KRABD5: variants seen among roughly 807,000 people sequenced by gnomAD.
KRABD5 encodes the protein KRAB domain-containing protein 5.
chr16:31,715,081 G>C, the KRABD5 span, among the ~76,000 whole-genome samples: 1 of 152,140 alleles, frequency 6.6e-6, no homozygotes, highest in Non-Finnish European at 1.5e-5. Context: ...TCAGATCCCT[G>C]ATCAGAGAAT....
the KRABD5 span, among the ~76,000 whole-genome samples, chr16:31,726,405 C>G: frequency 6.6e-6 from 1 of 152,092 alleles, no homozygotes; most frequent in African/African-American, 2.4e-5. Flanking sequence ...AAGTGTGATG[C>G]CTTCACCTTC....
the KRABD5 span, among the ~76,000 whole-genome samples, chr16:31,730,582 C>G: frequency 6.6e-6 from 1 of 152,030 alleles, no homozygotes; most frequent in Admixed American, 6.6e-5. Flanking sequence ...TATGAAACTT[C>G]TTGTTCATAT....
chr16:31,749,631 G>T, the KRABD5 span, among the ~76,000 whole-genome samples: 1 of 152,228 alleles, frequency 6.6e-6, no homozygotes, highest in South Asian at 2.1e-4. Flanking sequence ...TTCCCTGGAA[G>T]AAGCATGGTT....
chr16:31,755,984 A>G, the KRABD5 span: 1 of 161,458 alleles, frequency 6.2e-6, no homozygotes, highest in Non-Finnish European at 1.4e-5. Context: ...GAGCAAAAGC[A>G]TTGATGTTTG....
the KRABD5 span, among the ~76,000 whole-genome samples, chr16:31,719,460 C>A: frequency 6.6e-6 from 1 of 152,062 alleles, no homozygotes; most frequent in Non-Finnish European, 1.5e-5. Context: ...TTCTTGTGGT[C>A]AAAAATCAGA....
the KRABD5 span, among the ~76,000 whole-genome samples, chr16:31,714,617 A>G: frequency 6.6e-6 from 1 of 152,200 alleles, no homozygotes; most frequent in Non-Finnish European, 1.5e-5. Context: ...AATAACCCTG[A>G]CTAGGCATAG....
At chr16:31,760,710 ATC>A in the KRABD5 span, 1 of 152,182 alleles carries the variant, frequency 6.6e-6, no homozygotes, top group Admixed American at 6.5e-5. Flanking sequence ...ATTTGATTTA[ATC>A]TGTTTTCAAA....
chr16:31,722,733 C>A, the KRABD5 span: 6 of 1,606,944 alleles, frequency 3.7e-6, 1 homozygote, highest in Non-Finnish European at 5.1e-6. Flanking sequence ...TAGAGAACTA[C>A]GGAAACCTGG....
At chr16:31,719,774 GC>G in the KRABD5 span, among the ~76,000 whole-genome samples, 3 of 152,182 alleles carry the variant, frequency 2.0e-5, no homozygotes, top group African/African-American at 7.2e-5. Flanking sequence ...CAATATGGGG[GC>G]CTGAATTTTT....
At chr16:31,714,091 ATTTGTGACAGTGGATATCTGTG>A in the KRABD5 span, among the ~76,000 whole-genome samples, 1 of 152,188 alleles carries the variant, frequency 6.6e-6, no homozygotes, top group African/African-American at 2.4e-5. Flanking sequence ...GCAGTGGAGG[ATTTGTGACAGTGGATATCTGTG>A]TTCCATATTC....
At chr16:31,744,050 A>T in the KRABD5 span, among the ~76,000 whole-genome samples, 1 of 152,178 alleles carries the variant, frequency 6.6e-6, no homozygotes. Context: ...TTCTAAATAT[A>T]AAATTATGTC....
At chr16:31,752,316 ATG>A in the KRABD5 span, among the ~76,000 whole-genome samples, 2 of 152,144 alleles carry the variant, frequency 1.3e-5, no homozygotes, top group Non-Finnish European at 2.9e-5. Flanking sequence ...TGTGGAATTG[ATG>A]TCTAAAATTT....
chr16:31,721,111 C>T, the KRABD5 span, among the ~76,000 whole-genome samples: 2 of 152,098 alleles, frequency 1.3e-5, no homozygotes, highest in African/African-American at 4.8e-5. Context: ...AAGAACTAGA[C>T]TCAGAAACAC....
At chr16:31,756,942 A>G in the KRABD5 span, 2 of 152,208 alleles carry the variant, frequency 1.3e-5, no homozygotes, top group African/African-American at 4.8e-5. Flanking sequence ...TTGATTTATT[A>G]CAGTTCTCAA....
chr16:31,735,105 TTTC>T, the KRABD5 span, among the ~76,000 whole-genome samples: 344 of 151,436 alleles, frequency 2.3e-3, 2 homozygotes, highest in Non-Finnish European at 2.4e-3. Flanking sequence ...TTTCTCTCTC[TTTC>T]TTTCTTTTTT....
chr16:31,735,057 T>C, the KRABD5 span, among the ~76,000 whole-genome samples: 1 of 152,066 alleles, frequency 6.6e-6, no homozygotes, highest in African/African-American at 2.4e-5. Context: ...CCCGCCTGCC[T>C]GCCCTTTCTT....
chr16:31,716,623 A>G, the KRABD5 span, among the ~76,000 whole-genome samples: 50 of 151,972 alleles, frequency 3.3e-4, no homozygotes, highest in African/African-American at 1.1e-3. Flanking sequence ...CAAGTGATCC[A>G]CCTGCCTCTG....
chr16:31,731,343 GTCTCT>G, the KRABD5 span, among the ~76,000 whole-genome samples: 23 of 138,110 alleles, frequency 1.7e-4, no homozygotes, highest in African/African-American at 6.1e-4. Flanking sequence ...CATGGATCCC[GTCTCT>G]TCTCTGGGAA....
At chr16:31,719,691 G>T in the KRABD5 span, among the ~76,000 whole-genome samples, 2 of 152,216 alleles carry the variant, frequency 1.3e-5, no homozygotes, top group Non-Finnish European at 2.9e-5. Context: ...CTGAGTGGTT[G>T]CTCTTGCTGG....
Sources: gnomAD v4.1 joint callset for allele counts (sites outside exome capture counted in the v4.1 genomes callset) on GRCh38, gnomAD v4.1.1 for gene constraint, MANE v1.5 for transcripts, NCBI Gene and HGNC (gene_info 2026-07-23, HGNC 2026-07-21) for gene names.